Variants in HORMAD1 observed in about 807,000 individuals in gnomAD.
HORMAD1 encodes the protein HORMA domain containing 1, also known as HORMA domain-containing protein 1.
In HORMAD1, 33 loss-of-function variants were observed where a neutral mutation model predicts 58.2. That is an observed-to-expected ratio of 0.57 (90% CI 0.43 to 0.76). The LOEUF (loss-of-function observed/expected upper bound fraction) is 0.76, where lower values mean the gene tolerates loss of function less well. Ranked by LOEUF, HORMAD1 falls within the 30% of genes least tolerant of loss-of-function variation. The pLI, the probability that HORMAD1 is intolerant of heterozygous loss-of-function variation, is 0.00. For missense variants in HORMAD1, 363 were observed against 462.0 expected (o/e 0.79, Z 1.96); for synonymous variants, 137 against 144.6 (o/e 0.95, Z 0.38).
At chr1:150,702,984 T>C (rs1016327501) in intron 13 of HORMAD1, among the ~76,000 whole-genome samples, 10 of 152,162 alleles carry the variant, frequency 6.6e-5, no homozygotes, top group African/African-American at 2.4e-4. Context: ...TGGATGATAG[T>C]ATCACTTCTT....
chr1:150,708,748 C>T, intron 8 of HORMAD1, 146 bp downstream of exon 8: 3 of 549,644 alleles, frequency 5.5e-6, no homozygotes, highest in Non-Finnish European at 9.6e-6. Flanking sequence ...CTACTGCAAG[C>T]CACCACTCCA....
At chr1:150,716,974 A>AAAT (rs1652100403) in intron 3 of HORMAD1, among the ~76,000 whole-genome samples, 164 bp downstream of exon 3, 1 of 151,124 alleles carries the variant, frequency 6.6e-6, no homozygotes, top group African/African-American at 2.4e-5. Context: ...AAAAAAAAAA[A>AAAT]TCATTGAAAT....
At chr1:150,704,077 G>A in intron 12 of HORMAD1, 41 bp downstream of exon 12, 1 of 1,380,200 alleles carries the variant, frequency 7.2e-7, no homozygotes, top group African/African-American at 1.5e-5. Context: ...CAACTGTCCT[G>A]TGAACAAAAC....
chr1:150,711,711 A>G, intron 6 of HORMAD1, 122 bp downstream of exon 6: 1 of 937,244 alleles, frequency 1.1e-6, no homozygotes, highest in South Asian at 1.4e-5. Context: ...TTTTCATTCC[A>G]TTGAATAGAT....
intron 3 of HORMAD1, among the ~76,000 whole-genome samples, chr1:150,715,980 G>A (rs1652059596): frequency 6.6e-6 from 1 of 151,516 alleles, no homozygotes; most frequent in Non-Finnish European, 1.5e-5. Flanking sequence ...ATTCATAATA[G>A]CCAAAAAGAG....
intron 14 of HORMAD1, among the ~76,000 whole-genome samples, chr1:150,699,843 T>G (rs1651485375): frequency 6.6e-6 from 1 of 152,052 alleles, no homozygotes; most frequent in Non-Finnish European, 1.5e-5. Flanking sequence ...ATTTTTAATT[T>G]ATATATTATA....
intron 5 of HORMAD1, chr1:150,713,701 G>A: frequency 5.9e-6 from 1 of 170,774 alleles, no homozygotes; most frequent in South Asian, 1.3e-4. Flanking sequence ...AGATTATGTG[G>A]AAATTTATTT....
At chr1:150,704,841 G>A (rs587604360) in intron 10 of HORMAD1, among the ~76,000 whole-genome samples, 2 of 152,180 alleles carry the variant, frequency 1.3e-5, no homozygotes, top group South Asian at 4.1e-4. Context: ...TCAGGAGTTG[G>A]AGACCAGCCT....
chr1:150,704,335 C>A lies in HORMAD1; in HGVS notation c.813G>T (p.Leu271Phe). The change falls in exon 11 of 15, where the codon TTG becomes TTT. Residue 271 changes from leucine to phenylalanine, a missense_variant. Physicochemically the swap from Leu to Phe is conservative, Grantham distance 22. Transcript: ENST00000361824. Reference sequence around the variant, plus strand: ...GTTCTTCCATTTTAGTTTCAATGTCCAAATCATCCTACATAATTATGTGAA... The same window carrying A: ...GTTCTTCCATTTTAGTTTCAATGTCAAAATCATCCTACATAATTATGTGAA... Reference protein sequence around the residue: ...DEQEHYTSDDLDIETKMEEQE... With the variant: ...DEQEHYTSDDFDIETKMEEQE... The A allele has an allele frequency of 6.4e-7, 1 of 1,568,720 alleles. No individual in the cohort carries two copies. Among genetic ancestry groups the A allele is most frequent in the Admixed American group, 1.9e-5 (1 of 51,662 alleles).
rs1571069068 is a variant in HORMAD1, at chr1:150,705,541, T to C, written c.804+1012A>G. On this transcript the variant is annotated intron_variant, in intron 10 of 14. Coordinates refer to ENST00000361824, the MANE Select transcript of HORMAD1 (RefSeq NM_032132.5). ...ACTCTGTCTCAAAAAAAAAAAAAAG[T>C]AATAAACAAAAACTCTTCAGAGAGT... Among the ~76,000 whole-genome samples the C allele has an allele frequency of 2.0e-5, 3 of 149,262 alleles. 1 individual carries two copies. The South Asian group carries it at 6.4e-4, about 32-fold the overall frequency.
intron 10 of HORMAD1, among the ~76,000 whole-genome samples, chr1:150,705,827 A>G (rs1255922056): frequency 6.6e-6 from 1 of 152,220 alleles, no homozygotes; most frequent in Non-Finnish European, 1.5e-5. Flanking sequence ...TAATCAGAAT[A>G]GTGAATCTCT....
At chr1:150,719,408 T>A in intron 2 of HORMAD1, 65 bp downstream of exon 2, 1 of 1,004,486 alleles carries the variant, frequency 1.0e-6, no homozygotes, top group South Asian at 1.4e-5. Flanking sequence ...AACAGAGTAT[T>A]TGAGACTTCA....
At chr1:150,716,279 A>T (rs767316597) in intron 3 of HORMAD1, among the ~76,000 whole-genome samples, 3 of 144,614 alleles carry the variant, frequency 2.1e-5, no homozygotes, top group Non-Finnish European at 4.5e-5. Context: ...TCTCCTGCTC[A>T]GCCTCCCAAG....
At chr1:150,704,979 G>A (rs1651650430) in intron 10 of HORMAD1, among the ~76,000 whole-genome samples, 2 of 151,808 alleles carry the variant, frequency 1.3e-5, no homozygotes, top group Non-Finnish European at 2.9e-5. Context: ...GGAGGCTAGA[G>A]GTTGCAGTGA....
chr1:150,700,226 G>T, intron 13 of HORMAD1, 43 bp from the exon 14 acceptor site: 1 of 1,030,740 alleles, frequency 9.7e-7, no homozygotes, highest in Non-Finnish European at 1.5e-6. Context: ...ATTTCTCAAA[G>T]AACAGCCAAC....
Position 150,708,236 on chromosome 1 carries a change from G to T in HORMAD1, c.547+20C>A. On this transcript the variant is annotated intron_variant, in intron 9 of 14. Transcript: ENST00000361824. ...TAAAACATATGTACCAACTGAAACA[G>T]GATGTATTGCAAATAGTACCTTCAT... The T allele has an allele frequency of 6.5e-7, 1 of 1,549,250 alleles. No individual in the cohort carries two copies. The highest frequency in any genetic ancestry group is 1.7e-4 in the Middle Eastern group (1 of 5,870).
intron 4 of HORMAD1, 103 bp downstream of exon 4, chr1:150,714,512 G>A: frequency 2.0e-6 from 1 of 504,978 alleles, no homozygotes. Context: ...GCATTAAAGG[G>A]TGATTCACTA....
Position 150,717,138 on chromosome 1 carries a change from C to T in HORMAD1, c.178G>A (p.Asp60Asn). The change falls in exon 3 of 15, where the codon GAT (aspartate) becomes AAT (asparagine). Residue 60 changes from aspartate to asparagine, a missense_variant and splice_region_variant. By Grantham distance (23) the Asp-to-Asn change is conservative (BLOSUM62 1). Coordinates refer to ENST00000361824, the MANE Select transcript of HORMAD1 (RefSeq NM_032132.5). ...ECAYGTRYLD[D>N]LCVKILREDK... ...AGCTTTAAAATAAATATTGTATTAC[C>T]ATCTAGATATCTTGTTCCATAAGCG... 6.5e-7 allele frequency: 1 copy of T among 1,532,474 alleles called. No homozygotes were observed. The highest frequency in any genetic ancestry group is 2.0e-5 in the Admixed American group (1 of 50,324). 94.9% of individuals were successfully genotyped at this position (1,532,474 alleles called of 1,614,324 possible).
At chr1:150,715,438 G>A (rs1419324165) in intron 3 of HORMAD1, among the ~76,000 whole-genome samples, 1 of 152,030 alleles carries the variant, frequency 6.6e-6, no homozygotes, top group South Asian at 2.1e-4. Flanking sequence ...TGAAAAACAG[G>A]TATTTGTAAG....
Sources: gnomAD v4.1 joint callset for allele counts (sites outside exome capture counted in the v4.1 genomes callset) on GRCh38, gnomAD v4.1.1 for gene constraint, MANE v1.5 for transcripts, NCBI Gene and HGNC (gene_info 2026-07-23, HGNC 2026-07-21) for gene names.